Variants in UVRAG observed in about 807,000 individuals in gnomAD.
The protein encoded by UVRAG is UV radiation resistance associated, also known as UV radiation resistance-associated gene protein.
Under a neutral mutation model 78.0 loss-of-function variants are expected in UVRAG, and 19 were observed. The observed-to-expected ratio is 0.24, with a 90% CI of 0.17 to 0.36. UVRAG has a LOEUF of 0.36. Among genes scored for constraint, UVRAG ranks in the 10% least tolerant of loss-of-function variants. The pLI, the probability that UVRAG is intolerant of heterozygous loss-of-function variation, is 1.00. For missense variants in UVRAG, 740 were observed against 853.8 expected (o/e 0.87, Z 1.66); for synonymous variants, 323 against 324.6 (o/e 1.00, Z 0.05).
chr11:75,844,678 C>CTTT (rs111624830), intron 1 of UVRAG, among the ~76,000 whole-genome samples: 1 of 143,006 alleles, frequency 7.0e-6, no homozygotes, highest in Admixed American at 6.9e-5. Flanking sequence ...CTTTTCTTTT[C>CTTT]TTTTTTTTTT....
intron 12 of UVRAG, among the ~76,000 whole-genome samples, chr11:76,024,209 T>C (rs1182194923): frequency 6.6e-6 from 1 of 152,196 alleles, no homozygotes; most frequent in Non-Finnish European, 1.5e-5. Context: ...AGATGGTAAA[T>C]ATTCTTGCTC....
intron 5 of UVRAG, among the ~76,000 whole-genome samples, chr11:75,891,802 A>G (rs1947217886): frequency 6.6e-6 from 1 of 152,114 alleles, no homozygotes; most frequent in Non-Finnish European, 1.5e-5. Context: ...TAGTCCCACC[A>G]ACTTGAGGGG....
intron 12 of UVRAG, among the ~76,000 whole-genome samples, chr11:76,030,785 T>A (rs1950422255): frequency 1.3e-5 from 2 of 152,218 alleles, no homozygotes; most frequent in African/African-American, 4.8e-5. Flanking sequence ...AGCTCTTTCT[T>A]GATTTCCCAT....
chr11:76,020,710 G>T (rs1950230876), intron 12 of UVRAG, among the ~76,000 whole-genome samples: 1 of 135,140 alleles, frequency 7.4e-6, no homozygotes, highest in African/African-American at 2.8e-5. Context: ...GTGAAGGGGT[G>T]TCACAAGAAC....
chr11:76,077,623 TG>T (rs1951426697), intron 13 of UVRAG, among the ~76,000 whole-genome samples: 2 of 152,240 alleles, frequency 1.3e-5, no homozygotes, highest in African/African-American at 4.8e-5. Flanking sequence ...CTTAAAGTGT[TG>T]GTATTATTAT....
intron 3 of UVRAG, among the ~76,000 whole-genome samples, chr11:75,878,142 G>A (rs1565359115): frequency 1.3e-5 from 2 of 151,498 alleles, no homozygotes; most frequent in Non-Finnish European, 3.0e-5. Flanking sequence ...TCCCTTCTCA[G>A]ATGGGGCGGC....
Position 76,141,110 on chromosome 11 carries a change from T to C in UVRAG, c.1797T>C (p.Thr599=). 1 of 1,614,116 alleles carries C rather than the reference T, an allele frequency of 6.2e-7. No individual in the cohort carries two copies. Among genetic ancestry groups the C allele is most frequent in the Non-Finnish European group, 8.5e-7 (1 of 1,180,030 alleles). Residue 599 remains threonine, a synonymous_variant, in exon 15 of 15, where the codon ACT becomes ACC. Transcript: ENST00000356136. ...GGCACCGGGCCACAGTCAATGGCACTCTCCTACCCAGCGAGCAGGCCGGGT... is the reference window on the plus strand; with the variant it reads ...GGCACCGGGCCACAGTCAATGGCACCCTCCTACCCAGCGAGCAGGCCGGGT... ...LSGHRATVNG[T]LLPSEQAGSA...
chr11:75,961,411 TCA>T, intron 6 of UVRAG, 31 bp from the exon 7 acceptor site: 1 of 1,537,094 alleles, frequency 6.5e-7, no homozygotes, highest in Non-Finnish European at 8.8e-7. Flanking sequence ...TACTGTTAAC[TCA>T]TTTACATTTT....
rs864622029 is a variant in UVRAG, at chr11:75,888,896, A to G, written c.500A>G (p.Glu167Gly). The stretch of plus-strand genomic sequence containing the variant: ...GATGGATACTATGGTGCTCCATTTG[A>G]ACATAAGGTAAGAAGATCCTTCTAA... Reference protein sequence around the residue: ...LNDGYYGAPFEHKGYSNAQKT... With the variant: ...LNDGYYGAPFGHKGYSNAQKT... Residue 167 changes from glutamate to glycine, a missense_variant, in exon 5 of 15, where the codon GAA becomes GGA. Physicochemically the swap from Glu to Gly is moderately conservative, Grantham distance 98 (BLOSUM62 -2). Coordinates refer to ENST00000356136, the MANE Select transcript of UVRAG (RefSeq NM_003369.4). 6.2e-7 allele frequency: 1 copy of G among 1,612,784 alleles called. No homozygotes were observed. The highest frequency in any genetic ancestry group is 8.5e-7 in the Non-Finnish European group (1 of 1,179,430).
At chr11:75,917,889 TA>T (rs1217943912) in intron 6 of UVRAG, among the ~76,000 whole-genome samples, 1 of 152,210 alleles carries the variant, frequency 6.6e-6, no homozygotes, top group Non-Finnish European at 1.5e-5. Flanking sequence ...TTTCCTAGAC[TA>T]TTTCCTTATC....
At chr11:75,868,261 A>G (rs1946577583) in intron 3 of UVRAG, among the ~76,000 whole-genome samples, 1 of 152,220 alleles carries the variant, frequency 6.6e-6, no homozygotes, top group African/African-American at 2.4e-5. Flanking sequence ...GAAACAGGAA[A>G]GTAGAAAGAC....
In UVRAG at chr11:75,912,030, C is replaced by G; in HGVS notation, c.584C>G (p.Ser195Cys). The change falls in exon 6 of 15, where the codon TCT becomes TGT. Residue 195 changes from serine to cysteine, a missense_variant. Ser to Cys is a moderately radical substitution (Grantham distance 112). Transcript: ENST00000356136. Reference protein sequence around the residue: ...NCVRNSYDVFSLLRLHRAQCA... With the variant: ...NCVRNSYDVFCLLRLHRAQCA... ...GTTCGCAATTCTTACGATGTCTTCT[C>G]TTTGCTACGGTAAGAAACTTCTTAG... 2 of 1,609,666 alleles carry G rather than the reference C, an allele frequency of 1.2e-6. No individual in the cohort carries two copies. Among genetic ancestry groups the G allele is most frequent in the Non-Finnish European group, 1.7e-6 (2 of 1,176,382 alleles).
chr11:76,129,724 T>C (rs1301640551), intron 14 of UVRAG, among the ~76,000 whole-genome samples: 1 of 152,218 alleles, frequency 6.6e-6, no homozygotes, highest in African/African-American at 2.4e-5. Flanking sequence ...TGTTTGTCTA[T>C]GTCTGTACAT....
At chr11:76,122,407 A>G (rs977862007) in intron 14 of UVRAG, among the ~76,000 whole-genome samples, 4 of 152,202 alleles carry the variant, frequency 2.6e-5, no homozygotes, top group Non-Finnish European at 5.9e-5. Flanking sequence ...TGTGACCTCA[A>G]ACAGGTTTAA....
chr11:75,832,311 G>T (rs1173133948), intron 1 of UVRAG, among the ~76,000 whole-genome samples: 1 of 152,194 alleles, frequency 6.6e-6, no homozygotes. Flanking sequence ...TCAGTCCCAA[G>T]TCCCGGTCGC....
At chr11:75,883,344 T>A (rs1263475027) in intron 4 of UVRAG, among the ~76,000 whole-genome samples, 2 of 133,704 alleles carry the variant, frequency 1.5e-5, no homozygotes, top group Non-Finnish European at 3.1e-5. Context: ...TCATATAAAG[T>A]CAGTTATGCT....
chr11:75,927,070 A>ATTT (rs534709272), intron 6 of UVRAG, among the ~76,000 whole-genome samples: 135 of 137,394 alleles, frequency 9.8e-4, no homozygotes, highest in African/African-American at 3.1e-3. Context: ...TGGCAAAGGC[A>ATTT]TTTTTTTTTT....
chr11:75,895,126 A>T (rs1947312281), intron 5 of UVRAG, among the ~76,000 whole-genome samples: 1 of 152,242 alleles, frequency 6.6e-6, no homozygotes, highest in African/African-American at 2.4e-5. Context: ...CTTAGGAAGC[A>T]ATGACAGAGC....
At chr11:76,098,852 A>G (rs923259869) in intron 13 of UVRAG, among the ~76,000 whole-genome samples, 9 of 152,146 alleles carry the variant, frequency 5.9e-5, no homozygotes, top group East Asian at 1.9e-4. Flanking sequence ...TATAAAATTC[A>G]TTTTCAAAGC....
Sources: allele counts gnomAD v4.1 joint callset (sites outside exome capture counted in the v4.1 genomes callset), GRCh38; gene constraint gnomAD v4.1.1; transcripts MANE v1.5; gene names NCBI Gene and HGNC (gene_info 2026-07-23, HGNC 2026-07-21).